SULF2: variants seen among roughly 807,000 people sequenced by gnomAD.
SULF2 encodes extracellular sulfatase Sulf-2.
A neutral mutation model predicts 107.7 loss-of-function variants in SULF2; 52 were observed. The ratio of observed to expected loss-of-function variants is 0.48; its 90% confidence interval spans 0.39 to 0.61. The LOEUF (loss-of-function observed/expected upper bound fraction) is 0.61, where lower values mean the gene tolerates loss of function less well. Among genes scored for constraint, SULF2 ranks in the 20% least tolerant of loss-of-function variants. SULF2 has a pLI of 0.00. For missense variants in SULF2, 993 were observed against 1,177.3 expected (o/e 0.84, Z 2.29); for synonymous variants, 460 against 464.3 (o/e 0.99, Z 0.12).
chr20:47,692,707 T>C (rs1427579717), intron 4 of SULF2, among the ~76,000 whole-genome samples: 2 of 152,218 alleles, frequency 1.3e-5, no homozygotes, highest in Admixed American at 6.5e-5. Context: ...ACTCCTGGTC[T>C]CAAGCAATCC....
At chr20:47,658,610 G>T (rs1212342035) in intron 20 of SULF2, among the ~76,000 whole-genome samples, 1 of 152,200 alleles carries the variant, frequency 6.6e-6, no homozygotes, top group Non-Finnish European at 1.5e-5. Context: ...GATCTGGACA[G>T]AATAGTGGCT....
intron 2 of SULF2, among the ~76,000 whole-genome samples, chr20:47,738,222 G>A (rs1023911255): frequency 3.9e-5 from 6 of 152,232 alleles, no homozygotes; most frequent in Admixed American, 2.6e-4. Flanking sequence ...CACTGCTGCC[G>A]TGTGTGACAC....
intron 1 of SULF2, among the ~76,000 whole-genome samples, chr20:47,768,551 T>G (rs1400499704): frequency 6.6e-6 from 1 of 152,248 alleles, no homozygotes; most frequent in Non-Finnish European, 1.5e-5. Flanking sequence ...AACAGAGGCC[T>G]CAGGGCACGG....
At chr20:47,673,705 T>TGGGCCAGCAGGCATGGCCCTGAATG (rs2087550715) in intron 10 of SULF2, among the ~76,000 whole-genome samples, 2 of 152,210 alleles carry the variant, frequency 1.3e-5, no homozygotes, top group Non-Finnish European at 2.9e-5. Flanking sequence ...AGTAGACTGA[T>TGGGCCAGCAGGCATGGCCCTGAATG]GGGCCAGCAG....
At position 47,754,470 on chromosome 20, in the gene SULF2, AC is replaced by A. The variant is rs573713266; in HGVS notation, c.175+2718del. On this transcript the variant is annotated intron_variant, in intron 2 of 20. Transcript: ENST00000688720. ...AAAAGCCTATCATGCCCCTCCCACA[AC>A]CACCTTCCCATCCCTTGCCTCCTTC... is the stretch of plus-strand genomic sequence containing the variant. Among the ~76,000 whole-genome samples, 493 of 131,524 alleles carry A rather than the reference AC, an allele frequency of 3.7e-3. 2 individuals are homozygous for A. Among genetic ancestry groups the A allele is most frequent in the South Asian group, 0.017 (75 of 4,288 alleles). 86.3% of individuals were successfully genotyped at this position (131,524 alleles called of 152,430 possible). A position where few individuals can be genotyped will look rare whatever the true frequency, so the allele number is the denominator to read the frequency against.
At position 47,726,997 on chromosome 20, in the gene SULF2, G is replaced by A. The variant is rs117292054; in HGVS notation, c.415+9706C>T. On this transcript the variant is annotated intron_variant, in intron 3 of 20. Coordinates refer to ENST00000688720, the MANE Select transcript of SULF2 (RefSeq NM_001387048.1). The stretch of plus-strand genomic sequence containing the variant: ...GCTCCCCACCCAGGACCACAGCTGG[G>A]GCAGTGAAGAGGGGAAGAGCGGCAG... 6.6e-5 allele frequency among the ~76,000 whole-genome samples: 10 copies of A among 152,192 alleles called. No homozygotes were observed. In the East Asian group the frequency reaches 1.7e-3, roughly 26 times the overall value.
At chr20:47,704,735 C>T (rs74376212) in intron 3 of SULF2, among the ~76,000 whole-genome samples, 9,675 of 152,248 alleles carry the variant, frequency 0.064, 315 homozygotes, top group Middle Eastern at 0.078. Context: ...AGAATATGAG[C>T]GTTCCAGGAG....
At chr20:47,725,470 G>A (rs1310690440) in intron 3 of SULF2, among the ~76,000 whole-genome samples, 5 of 152,174 alleles carry the variant, frequency 3.3e-5, no homozygotes, top group Non-Finnish European at 5.9e-5. Context: ...GTCCTTCTTA[G>A]TCTCCGCCCC....
At chr20:47,740,377 T>C (rs1291761519) in intron 2 of SULF2, among the ~76,000 whole-genome samples, 1 of 152,210 alleles carries the variant, frequency 6.6e-6, no homozygotes, top group African/African-American at 2.4e-5. Context: ...CCCATGCTCT[T>C]GGTCCACTCT....
intron 3 of SULF2, among the ~76,000 whole-genome samples, chr20:47,727,777 C>T (rs1106149): frequency 0.09 from 13,723 of 152,210 alleles, 1,058 homozygotes; most frequent in African/African-American, 0.21. Flanking sequence ...GAGAGACTGA[C>T]GCCCAGAGGG....
At chr20:47,727,490 G>A (rs1212413670) in intron 3 of SULF2, among the ~76,000 whole-genome samples, 2 of 152,150 alleles carry the variant, frequency 1.3e-5, no homozygotes, top group Admixed American at 6.5e-5. Context: ...TGTGAAAATC[G>A]CCTTTTGTTC....
rs775995320 is a variant in SULF2, at chr20:47,736,852, C to G, written c.266G>C (p.Cys89Ser). ...AGTGAGGATGGAGGAGCGTGAGGGG[C>G]AGCACATGGGTGTGGTCACGAAGGC... Reference protein sequence around the residue: ...INAFVTTPMCCPSRSSILTGK... With the variant: ...INAFVTTPMCSPSRSSILTGK... Residue 89 changes from cysteine to serine, a missense_variant, in exon 3 of 21, where the codon TGC (cysteine) becomes TCC (serine). Physicochemically the swap from Cys to Ser is moderately radical, Grantham distance 112. Around this residue, in one of 3 missense-constraint regions of SULF2, gnomAD observed 388 missense variants for 449.2 expected, o/e 0.86. Coordinates refer to ENST00000688720, the MANE Select transcript of SULF2 (RefSeq NM_001387048.1). 6.2e-7 allele frequency: 1 copy of G among 1,614,252 alleles called. No homozygotes were observed. Among genetic ancestry groups the G allele is most frequent in the Non-Finnish European group, 8.5e-7 (1 of 1,180,028 alleles).
In SULF2 at chr20:47,780,717, C is replaced by G. The variant is rs60869755; in HGVS notation, c.-101+4626G>C. On this transcript the variant is annotated intron_variant, in intron 1 of 20. Transcript: ENST00000688720. ...TACAGGCAAGCACCATCACACCTGG[C>G]TAATTTTTGTATTTTTAGTAGAGAG... Among the ~76,000 whole-genome samples the G allele has an allele frequency of 2.0e-3, 305 of 152,294 alleles. 1 individual carries two copies. The highest frequency in any genetic ancestry group is 7.0e-3 in the African/African-American group (292 of 41,568).
chr20:47,661,604 A>T (rs560820402), intron 18 of SULF2, 169 bp downstream of exon 18: 171 of 537,322 alleles, frequency 3.2e-4, no homozygotes, highest in African/African-American at 3.0e-3. Context: ...ACAGCTTGTT[A>T]AAGGTCATCT....
intron 1 of SULF2, among the ~76,000 whole-genome samples, chr20:47,758,049 G>A (rs1235625864): frequency 4.6e-5 from 7 of 152,186 alleles, no homozygotes; most frequent in Non-Finnish European, 5.9e-5. Context: ...TTGGAACCTC[G>A]GTTTCCCCAT....
intron 2 of SULF2, among the ~76,000 whole-genome samples, chr20:47,745,410 A>T (rs6094805): frequency 0.08 from 1,296 of 16,238 alleles, 93 homozygotes; most frequent in African/African-American, 0.22. Context: ...AAAAAAAAAA[A>T]ATATATATAT....
chr20:47,784,399 G>C (rs2090884646), intron 1 of SULF2, among the ~76,000 whole-genome samples: 1 of 112,210 alleles, frequency 8.9e-6, no homozygotes, highest in Non-Finnish European at 2.3e-5. Flanking sequence ...TTTCAAGGGG[G>C]AGGAGGAGGA....
chr20:47,773,745 C>A (rs1039121107), intron 1 of SULF2, among the ~76,000 whole-genome samples: 1 of 152,230 alleles, frequency 6.6e-6, no homozygotes, highest in South Asian at 2.1e-4. Context: ...TCATTATTCA[C>A]GCCTAACTGT....
chr20:47,723,157 T>A (rs1195909604), intron 3 of SULF2, among the ~76,000 whole-genome samples: 1 of 151,850 alleles, frequency 6.6e-6, no homozygotes, highest in African/African-American at 2.4e-5. Flanking sequence ...GGCAGGGGAA[T>A]TGCTTGAACC....
Sources: allele counts gnomAD v4.1 joint callset (sites outside exome capture counted in the v4.1 genomes callset), GRCh38; gene constraint gnomAD v4.1.1; regional missense constraint gnomAD v4.1.1; transcripts MANE v1.5; gene names NCBI Gene and HGNC (gene_info 2026-07-23, HGNC 2026-07-21).